The following MICAL2 variants were observed in gnomAD, a reference collection of about 807,000 sequenced individuals.
The protein encoded by MICAL2 is [F-actin]-monooxygenase MICAL2.
In MICAL2, 77 loss-of-function variants were observed where a neutral mutation model predicts 127.3. That is an observed-to-expected ratio of 0.60 (90% confidence interval 0.50 to 0.73). The LOEUF is 0.73. Ranked by LOEUF, MICAL2 falls within the 30% of genes least tolerant of loss-of-function variation. The pLI is 0.00. For missense variants in MICAL2, 1,351 were observed against 1,434.4 expected, an observed-to-expected ratio of 0.94 and a Z score of 0.94; for synonymous variants, 570 against 551.1, an observed-to-expected ratio of 1.03 and a Z score of -0.48.
chr11:12,207,835 A>G (rs948024556), intron 4 of MICAL2, 188 bp from the exon 5 acceptor site: 10 of 570,676 alleles, frequency 1.8e-5, no homozygotes, highest in Non-Finnish European at 2.5e-5. Flanking sequence ...TAACGATTCC[A>G]AAGGGCCACT....
downstream of MICAL2, among the ~76,000 whole-genome samples, chr11:12,289,901 G>C (rs1205680722): frequency 6.6e-6 from 1 of 152,176 alleles, no homozygotes; most frequent in East Asian, 1.9e-4. Context: ...CATGTTATCT[G>C]CTCAACCACC....
rs188972446 is a variant in MICAL2 at position 12,345,806 on chromosome 11, G to T, written c.5516-4032G>T. Reference sequence around the variant, plus strand: ...GCATAGGATGAAGGTGTGAGAGAGAGGGTCTCTCCATTTTGGGTTGTTTAT... The same window carrying T: ...GCATAGGATGAAGGTGTGAGAGAGATGGTCTCTCCATTTTGGGTTGTTTAT... On this transcript the variant is annotated intron_variant, in intron 32 of 34. Coordinates refer to the MICAL2 transcript ENST00000646065. Among the ~76,000 whole-genome samples, 389 of 151,190 alleles carry T rather than the reference G, an allele frequency of 2.6e-3. 2 individuals are homozygous for T. Among genetic ancestry groups the T allele is most frequent in the African/African-American group, 9.2e-3 (376 of 40,958 alleles).
At chr11:12,266,540 T>C (rs1434941610), downstream of MICAL2, among the ~76,000 whole-genome samples, 3 of 152,262 alleles carry the variant, frequency 2.0e-5, no homozygotes, top group African/African-American at 7.2e-5. Context: ...TGCCAGGTAG[T>C]GGGCCAAGAA....
chr11:12,209,041 A>G (rs1855095011), intron 5 of MICAL2, among the ~76,000 whole-genome samples: 2 of 152,092 alleles, frequency 1.3e-5, no homozygotes, highest in South Asian at 4.1e-4. Flanking sequence ...TAAATAAAAG[A>G]CAGTGTAGTG....
chr11:12,292,075 A>G (rs1238163739), downstream of MICAL2: 4 of 1,526,004 alleles, frequency 2.6e-6, no homozygotes, highest in Non-Finnish European at 3.5e-6. Context: ...AGCTTCACTT[A>G]AAGCCTCCTC....
intron 33 of MICAL2, among the ~76,000 whole-genome samples, chr11:12,352,331 T>G (rs1462764321): frequency 3.3e-5 from 5 of 152,224 alleles, no homozygotes; most frequent in African/African-American, 1.2e-4. Flanking sequence ...GGTCATAGAC[T>G]CTATTTTCTA....
chr11:12,130,050 G>T (rs572726023), intron 1 of MICAL2, among the ~76,000 whole-genome samples: 2 of 152,114 alleles, frequency 1.3e-5, no homozygotes, highest in Non-Finnish European at 2.9e-5. Flanking sequence ...CCCAGGTCTT[G>T]TTACTCCCGA....
chr11:12,291,451 G>A (rs530546866), downstream of MICAL2, among the ~76,000 whole-genome samples: 1 of 152,096 alleles, frequency 6.6e-6, no homozygotes, highest in Non-Finnish European at 1.5e-5. Context: ...GCCCCCCACA[G>A]CACTGAACCA....
intron 3 of MICAL2, among the ~76,000 whole-genome samples, chr11:12,201,117 G>A (rs973987754): frequency 2.6e-5 from 4 of 151,948 alleles, no homozygotes; most frequent in African/African-American, 9.7e-5. Context: ...GCAGTGCTGG[G>A]CTTGGGAAGC....
downstream of MICAL2, among the ~76,000 whole-genome samples, chr11:12,360,018 C>T (rs1290696409): frequency 6.6e-6 from 1 of 151,876 alleles, no homozygotes; most frequent in African/African-American, 2.4e-5. Flanking sequence ...CTGAGTCAGC[C>T]AATGCTTTGG....
At chr11:12,294,275 G>A (rs1423990382), downstream of MICAL2, 1 of 1,614,118 alleles carries the variant, frequency 6.2e-7, no homozygotes, top group East Asian at 2.2e-5. Flanking sequence ...AAGGTCTCTA[G>A]AGCCCCTCCT....
At chr11:12,207,806 A>G (rs1854917828) in intron 4 of MICAL2, 3 of 483,612 alleles carry the variant, frequency 6.2e-6, no homozygotes, top group Admixed American at 7.1e-5. Flanking sequence ...TCAATTTCTC[A>G]TCTACAGAAT....
intron 3 of MICAL2, among the ~76,000 whole-genome samples, chr11:12,203,502 G>A (rs1018908978): frequency 8.5e-5 from 13 of 152,286 alleles, no homozygotes; most frequent in African/African-American, 3.1e-4. Context: ...GTGTTTCCCT[G>A]AAGGCAAATG....
intron 3 of MICAL2, among the ~76,000 whole-genome samples, chr11:12,175,585 C>G (rs1485967507): frequency 6.7e-6 from 1 of 149,778 alleles, no homozygotes; most frequent in Non-Finnish European, 1.5e-5. Flanking sequence ...TGTGGGGAGT[C>G]TGTGTGTGTG....
chr11:12,256,004 C>G, intron 23 of MICAL2: 1 of 427,922 alleles, frequency 2.3e-6, no homozygotes, highest in Non-Finnish European at 4.2e-6. Context: ...CTTTGGAGAA[C>G]GGCCTGGTAG....
At chr11:12,269,047 GA>G (rs1314744568) in intron 24 of MICAL2, among the ~76,000 whole-genome samples, 1 of 152,120 alleles carries the variant, frequency 6.6e-6, no homozygotes, top group Non-Finnish European at 1.5e-5. Context: ...TAGGAGCCTA[GA>G]AATGCCAGAA....
chr11:12,195,623 A>G (rs1859798677), intron 3 of MICAL2, among the ~76,000 whole-genome samples: 1 of 152,162 alleles, frequency 6.6e-6, no homozygotes, highest in South Asian at 2.1e-4. Flanking sequence ...ATATTTACAA[A>G]TGTTTAAAAT....
intron 29 of MICAL2, among the ~76,000 whole-genome samples, chr11:12,301,172 G>T (rs1373733064): frequency 2.0e-5 from 3 of 152,116 alleles, no homozygotes; most frequent in Admixed American, 1.3e-4. Context: ...ACTAGCACAG[G>T]AAAGACCAGC....
intron 1 of MICAL2, among the ~76,000 whole-genome samples, chr11:12,278,251 A>G (rs1863740529): frequency 1.3e-5 from 2 of 152,244 alleles, no homozygotes; most frequent in Admixed American, 1.3e-4. Flanking sequence ...AAACTTCTTT[A>G]TTGTAGTAAC....
Sources: gnomAD v4.1 joint callset for allele counts (sites outside exome capture counted in the v4.1 genomes callset) on GRCh38, gnomAD v4.1.1 for gene constraint, MANE v1.5 for transcripts, NCBI Gene and HGNC (gene_info 2026-07-23, HGNC 2026-07-21) for gene names.